ZNF131: variants seen among roughly 807,000 people sequenced by gnomAD.
The protein encoded by ZNF131 is zinc finger protein 131.
A neutral mutation model predicts 60.0 loss-of-function variants in ZNF131; 7 were observed. The ratio of observed to expected loss-of-function variants is 0.12; its 90% confidence interval spans 0.07 to 0.22. The LOEUF is 0.22. Ranked by LOEUF, ZNF131 falls within the 10% of genes least tolerant of loss-of-function variation. The pLI, the probability that ZNF131 is intolerant of heterozygous loss-of-function variation, is 1.00. For missense variants in ZNF131, 493 were observed against 740.9 expected (o/e 0.67, Z 3.88); for synonymous variants, 257 against 253.2 (o/e 1.01, Z -0.14).
At chr5:43,168,915 G>A (rs1750661726) in intron 5 of ZNF131, among the ~76,000 whole-genome samples, 1 of 152,160 alleles carries the variant, frequency 6.6e-6, no homozygotes, top group Non-Finnish European at 1.5e-5. Context: ...TTTGATTGGA[G>A]GCTAATTAAC....
At chr5:43,121,956 T>C in intron 1 of ZNF131, 83 bp from the exon 2 acceptor site, 1 of 1,430,264 alleles carries the variant, frequency 7.0e-7, no homozygotes, top group Non-Finnish European at 9.3e-7. Flanking sequence ...TTGCTGGTTT[T>C]TTTTGTTGTT....
intron 5 of ZNF131, among the ~76,000 whole-genome samples, chr5:43,170,656 G>A (rs552634649): frequency 9.1e-5 from 13 of 142,762 alleles, no homozygotes; most frequent in African/African-American, 3.1e-4. Flanking sequence ...TTTTTGAGAC[G>A]GAGTCTCACT....
At chr5:43,171,429 G>C (rs1422101260) in intron 5 of ZNF131, among the ~76,000 whole-genome samples, 3 of 151,982 alleles carry the variant, frequency 2.0e-5, no homozygotes, top group African/African-American at 7.3e-5. Flanking sequence ...AAAGAATCCT[G>C]TTATTGGCTG....
intron 5 of ZNF131, among the ~76,000 whole-genome samples, chr5:43,171,071 A>G (rs189824088): frequency 6.6e-6 from 1 of 151,742 alleles, no homozygotes; most frequent in Admixed American, 6.6e-5. Context: ...CAGCCTCCCA[A>G]GTAGCTGGGA....
At chr5:43,165,769 T>C (rs1359739839) in intron 5 of ZNF131, among the ~76,000 whole-genome samples, 1 of 152,222 alleles carries the variant, frequency 6.6e-6, no homozygotes, top group African/African-American at 2.4e-5. Flanking sequence ...AAGAAAGTTA[T>C]CTGTCCTTTA....
At position 43,175,719 on chromosome 5, in the gene ZNF131, T is replaced by TAAAAAAAAA. The variant is rs59888761; in HGVS notation, c.*593_*601dup. The TAAAAAAAAA allele has an allele frequency of 1.3e-5, 3 of 226,046 alleles. No individual in the cohort carries two copies. The highest frequency in any genetic ancestry group is 1.2e-4 in the East Asian group (1 of 8,088). The allele number at this position is 226,046 out of a possible 1,614,324, so 14.0% of individuals were successfully genotyped here. ...GGTGGTGGCAAAATTTCTAGAATGT[T>TAAAAAAAAA]AAAAAAAAAAAAAAATCCACACCCA... On this transcript the variant is annotated 3_prime_UTR_variant, in exon 7 of 7. Coordinates refer to ENST00000682664, the MANE Select transcript of ZNF131 (RefSeq NM_001330707.2).
intron 4 of ZNF131, among the ~76,000 whole-genome samples, chr5:43,147,403 A>T (rs1045664217): frequency 2.7e-5 from 4 of 150,034 alleles, no homozygotes; most frequent in Non-Finnish European, 5.9e-5. Flanking sequence ...TCTTTTTTTT[A>T]TTTTATTTTA....
At chr5:43,122,494 C>T (rs1743995668) in intron 2 of ZNF131, among the ~76,000 whole-genome samples, 3 of 152,118 alleles carry the variant, frequency 2.0e-5, no homozygotes, top group Admixed American at 2.0e-4. Flanking sequence ...TTGATAGCCT[C>T]TTGTTGGTAA....
intron 4 of ZNF131, among the ~76,000 whole-genome samples, chr5:43,151,795 T>C (rs1380566882): frequency 1.3e-5 from 2 of 151,994 alleles, no homozygotes; most frequent in Non-Finnish European, 2.9e-5. Context: ...AGAAGCACAG[T>C]CCCAGGGGCA....
chr5:43,172,190 C>T (rs1295712944), intron 5 of ZNF131, among the ~76,000 whole-genome samples: 1 of 152,242 alleles, frequency 6.6e-6, no homozygotes, highest in Non-Finnish European at 1.5e-5. Context: ...ACTTCTACTT[C>T]TGGCTGTTTC....
chr5:43,153,216 G>T (rs1363232120), intron 4 of ZNF131, among the ~76,000 whole-genome samples: 1 of 152,180 alleles, frequency 6.6e-6, no homozygotes, highest in Non-Finnish European at 1.5e-5. Flanking sequence ...GAATCCAGAT[G>T]GCTGAACTAG....
intron 4 of ZNF131, among the ~76,000 whole-genome samples, chr5:43,152,143 C>G (rs1748397027): frequency 6.6e-6 from 1 of 152,132 alleles, no homozygotes; most frequent in Non-Finnish European, 1.5e-5. Context: ...GCTGGGACTA[C>G]AGGCACGTGC....
chr5:43,151,704 G>T (rs1748335662), intron 4 of ZNF131, among the ~76,000 whole-genome samples: 1 of 152,046 alleles, frequency 6.6e-6, no homozygotes, highest in Admixed American at 6.6e-5. Context: ...CAAAGTGCTG[G>T]GATTACAGGG....
chr5:43,142,382 A>C, intron 4 of ZNF131, among the ~76,000 whole-genome samples: 1 of 124,882 alleles, frequency 8.0e-6, no homozygotes, highest in Non-Finnish European at 1.7e-5. Context: ...GGCTCACTGC[A>C]ACCACCGCCT....
intron 5 of ZNF131, among the ~76,000 whole-genome samples, chr5:43,169,113 A>T (rs771385992): frequency 7.9e-5 from 12 of 152,242 alleles, no homozygotes; most frequent in Non-Finnish European, 1.8e-4. Flanking sequence ...GTGTGTCCAG[A>T]AATCAGAATT....
At chr5:43,161,203 A>G (rs763771601) in intron 4 of ZNF131, 46 bp from the exon 5 acceptor site, 1 of 1,504,776 alleles carries the variant, frequency 6.6e-7, no homozygotes, top group Non-Finnish European at 8.9e-7. Context: ...AAAGCCTGGT[A>G]GGATCTTCTT....
intron 3 of ZNF131, among the ~76,000 whole-genome samples, chr5:43,134,851 C>T (rs1340609219): frequency 6.6e-6 from 1 of 151,104 alleles, no homozygotes; most frequent in Admixed American, 6.6e-5. Flanking sequence ...CTCCCCCTAT[C>T]ACACCCAGCT....
At chr5:43,140,116 G>A (rs1229652161) in intron 4 of ZNF131, among the ~76,000 whole-genome samples, 1 of 75,276 alleles carries the variant, frequency 1.3e-5, no homozygotes, top group Non-Finnish European at 2.9e-5. Flanking sequence ...CTCAGGAGCT[G>A]AGGTGGGAGG....
intron 4 of ZNF131, among the ~76,000 whole-genome samples, chr5:43,157,550 T>C (rs1381159066): frequency 6.6e-6 from 1 of 151,384 alleles, no homozygotes; most frequent in African/African-American, 2.4e-5. Context: ...CAGGGCACCA[T>C]TTTAGCAGCT....
Sources: gnomAD v4.1 joint callset for allele counts (sites outside exome capture counted in the v4.1 genomes callset) on GRCh38, gnomAD v4.1.1 for gene constraint, MANE v1.5 for transcripts, NCBI Gene and HGNC (gene_info 2026-07-23, HGNC 2026-07-21) for gene names.